HAVCR1: variants seen among roughly 807,000 people sequenced by gnomAD.
The protein encoded by HAVCR1 is hepatitis A virus cellular receptor 1.
A neutral mutation model predicts 32.0 loss-of-function variants in HAVCR1; 34 were observed. The ratio of observed to expected loss-of-function variants is 1.06; its 90% CI spans 0.81 to 1.42. The LOEUF is 1.42. Ranked by LOEUF, HAVCR1 falls within the 40% of genes most tolerant of loss-of-function variation. HAVCR1 has a pLI of 0.00. For synonymous variants in HAVCR1, 178 were observed against 170.3 expected (o/e 1.05, Z -0.35); for missense variants, 420 against 442.3 (o/e 0.95, Z 0.45).
intron 5 of HAVCR1, among the ~76,000 whole-genome samples, chr5:157,044,480 G>A (rs200755696): frequency 0.17 from 6,010 of 35,474 alleles, 436 homozygotes; most frequent in East Asian, 0.36. Flanking sequence ...AGGAAGGAAG[G>A]AAGGAAGGAA....
intron 8 of HAVCR1, among the ~76,000 whole-genome samples, chr5:157,030,841 C>T (rs1311134981): frequency 1.3e-5 from 2 of 152,168 alleles, no homozygotes; most frequent in African/African-American, 2.4e-5. Context: ...CATGTCCACA[C>T]ATTTAAAGAA....
At chr5:157,057,386 GGAA>G (rs1450285319) in intron 2 of HAVCR1, among the ~76,000 whole-genome samples, 1,142 of 79,276 alleles carry the variant, frequency 0.014, 58 homozygotes, top group African/African-American at 0.054. Context: ...GAGAGAGAGA[GGAA>G]AGAAAGAAAG....
At position 157,034,656 on chromosome 5, in the gene HAVCR1, TAC is replaced by T. The variant is rs547051576; in HGVS notation, c.953-1771_953-1770del. Among the ~76,000 whole-genome samples the T allele has an allele frequency of 2.4e-3, 371 of 151,996 alleles. 3 individuals are homozygous for T. Among genetic ancestry groups the T allele is most frequent in the African/African-American group, 8.7e-3 (360 of 41,444 alleles). ...CTCAGTGGGGAGAAACCTTGGACAA[TAC>T]CTAGGCTTTCTTGGGCAGAGGTCCC... On this transcript the variant is annotated intron_variant, in intron 7 of 8. Coordinates refer to ENST00000523175, the MANE Select transcript of HAVCR1 (RefSeq NM_001173393.3).
chr5:157,047,696 T>A (rs1299277253), intron 5 of HAVCR1, among the ~76,000 whole-genome samples: 4 of 152,196 alleles, frequency 2.6e-5, no homozygotes, highest in Admixed American at 6.5e-5. Context: ...ATCATCAGTA[T>A]CCTTTGCAAT....
At chr5:157,044,503 GGAA>G (rs1755172957) in intron 5 of HAVCR1, among the ~76,000 whole-genome samples, 1 of 109,838 alleles carries the variant, frequency 9.1e-6, no homozygotes, top group Non-Finnish European at 1.9e-5. Context: ...AAGGAAGGAA[GGAA>G]GGAGGAAGGA....
intron 3 of HAVCR1, among the ~76,000 whole-genome samples, 187 bp from the exon 4 acceptor site, chr5:157,052,841 C>T (rs1755849657): frequency 6.6e-6 from 1 of 152,178 alleles, no homozygotes; most frequent in Non-Finnish European, 1.5e-5. Context: ...ACATACCCCT[C>T]CTTCCAAAAG....
At chr5:157,045,995 T>A (rs1755374939) in intron 5 of HAVCR1, among the ~76,000 whole-genome samples, 1 of 152,232 alleles carries the variant, frequency 6.6e-6, no homozygotes, top group Non-Finnish European at 1.5e-5. Flanking sequence ...CTACCACTGT[T>A]ACGTTGTGTT....
chr5:157,037,392 T>G (rs1754604064), intron 6 of HAVCR1, 31 bp from the exon 7 acceptor site: 1 of 973,138 alleles, frequency 1.0e-6, no homozygotes, highest in Non-Finnish European at 1.6e-6. Flanking sequence ...CAAAAAAGCA[T>G]CTTGTTAGAA....
chr5:157,040,252 C>A (rs898147096), intron 6 of HAVCR1, among the ~76,000 whole-genome samples: 9 of 151,316 alleles, frequency 5.9e-5, no homozygotes, highest in African/African-American at 2.2e-4. Flanking sequence ...GAGCCAAGAT[C>A]GCGCCATTGC....
intron 7 of HAVCR1, among the ~76,000 whole-genome samples, chr5:157,033,100 G>C (rs549047277): frequency 6.6e-6 from 1 of 151,888 alleles, no homozygotes; most frequent in African/African-American, 2.4e-5. Context: ...TAATGGTTTG[G>C]TGTATTCATC....
chr5:157,046,693 G>T (rs1755415562), intron 5 of HAVCR1, among the ~76,000 whole-genome samples: 1 of 152,192 alleles, frequency 6.6e-6, no homozygotes, highest in Non-Finnish European at 1.5e-5. Flanking sequence ...ACTCAATCTA[G>T]TGAGGGTCCT....
chr5:157,058,721 C>A (rs1470253095), intron 1 of HAVCR1, among the ~76,000 whole-genome samples, 200 bp downstream of exon 1: 1 of 152,178 alleles, frequency 6.6e-6, no homozygotes, highest in African/African-American at 2.4e-5. Flanking sequence ...GGAGCTTTTC[C>A]TACTCAGTGG....
intron 6 of HAVCR1, among the ~76,000 whole-genome samples, chr5:157,041,150 G>C (rs555094984): frequency 5.3e-5 from 8 of 152,224 alleles, no homozygotes; most frequent in African/African-American, 1.9e-4. Flanking sequence ...GAGAAAAAAA[G>C]TATGGAAACA....
At chr5:157,051,004 T>C (rs995344404) in intron 4 of HAVCR1, among the ~76,000 whole-genome samples, 4 of 152,194 alleles carry the variant, frequency 2.6e-5, no homozygotes, top group Non-Finnish European at 5.9e-5. Context: ...AAGGGGTCAA[T>C]GGATTTCTGA....
chr5:157,054,510 G>C (rs1278259204), intron 3 of HAVCR1, among the ~76,000 whole-genome samples: 1 of 151,948 alleles, frequency 6.6e-6, no homozygotes, highest in African/African-American at 2.4e-5. Context: ...CTCAAAAAAA[G>C]TAAATAAAAA....
intron 2 of HAVCR1, among the ~76,000 whole-genome samples, chr5:157,057,597 G>A (rs1288794319): frequency 6.6e-6 from 1 of 152,052 alleles, no homozygotes; most frequent in Non-Finnish European, 1.5e-5. Flanking sequence ...ATGTGTCTAT[G>A]CATATACATC....
chr5:157,036,020 C>A (rs532090572), intron 7 of HAVCR1, among the ~76,000 whole-genome samples: 1 of 152,100 alleles, frequency 6.6e-6, no homozygotes, highest in Non-Finnish European at 1.5e-5. Context: ...TGGAACCAAT[C>A]CCCCAAGGGT....
chr5:157,036,761 T>A (rs1460066632), intron 7 of HAVCR1, among the ~76,000 whole-genome samples: 4 of 152,204 alleles, frequency 2.6e-5, no homozygotes, highest in African/African-American at 7.2e-5. Context: ...GGTTTTGAAC[T>A]CCTGGGCTCA....
At chr5:157,043,367 TAGAC>T (rs1373702393) in intron 5 of HAVCR1, among the ~76,000 whole-genome samples, 2 of 152,216 alleles carry the variant, frequency 1.3e-5, no homozygotes, top group Admixed American at 6.5e-5. Flanking sequence ...TGCTTTGTAA[TAGAC>T]AGTATATTCT....
Sources: allele counts gnomAD v4.1 joint callset (sites outside exome capture counted in the v4.1 genomes callset), GRCh38; gene constraint gnomAD v4.1.1; transcripts MANE v1.5; gene names NCBI Gene and HGNC (gene_info 2026-07-23, HGNC 2026-07-21).